The following CTCF variants were observed in gnomAD, a reference collection of about 807,000 sequenced individuals.
CTCF encodes the protein CCCTC-binding factor, also known as transcriptional repressor CTCF.
CTCF carries 7 observed loss-of-function variants against 72.3 expected under a neutral mutation model. The observed-to-expected ratio is 0.10, with a 90% CI of 0.06 to 0.18. CTCF has a LOEUF of 0.18. Ranked by LOEUF, CTCF falls within the 10% of genes least tolerant of loss-of-function variation. CTCF has a pLI of 1.00. For missense variants in CTCF, 516 were observed against 949.1 expected (o/e 0.54, Z 6.00); for synonymous variants, 374 against 315.8 (o/e 1.18, Z -1.95).
At chr16:67,566,460 A>G (rs1484171086) in intron 1 of CTCF, among the ~76,000 whole-genome samples, 1 of 148,168 alleles carries the variant, frequency 6.7e-6, no homozygotes, top group Non-Finnish European at 1.5e-5. Flanking sequence ...CAGTGAGTCA[A>G]GATCGTGCCG....
chr16:67,624,242 A>G (rs1019252870), intron 7 of CTCF, among the ~76,000 whole-genome samples: 2 of 151,548 alleles, frequency 1.3e-5, no homozygotes, highest in African/African-American at 2.4e-5. Context: ...TCTCCTTCCC[A>G]GCCAGCCTTT....
rs1237747283 is a variant in CTCF at position 67,571,136 on chromosome 16, C to T, written c.-126-12C>T. ...TTAGTGTTTCATAAAATGATTTGTG[C>T]TTTTCTTTTAGAATGATTACGGACC... On this transcript the variant is annotated splice_polypyrimidine_tract_variant and intron_variant, in intron 1 of 11. Coordinates refer to ENST00000264010, the MANE Select transcript of CTCF (RefSeq NM_006565.4). 1 of 152,162 alleles carries T rather than the reference C, an allele frequency of 6.6e-6. No homozygotes were observed. Among genetic ancestry groups the T allele is most frequent in the Non-Finnish European group, 1.5e-5 (1 of 67,970 alleles). 9.4% of individuals were successfully genotyped at this position (152,162 alleles called of 1,614,324 possible).
At chr16:67,610,639 C>T (rs911140496) in intron 2 of CTCF, 185 bp from the exon 3 acceptor site, 11 of 317,180 alleles carry the variant, frequency 3.5e-5, no homozygotes, top group Non-Finnish European at 2.8e-5. Context: ...CAGGCGTGAG[C>T]CACTGCACCT....
rs367687614 is a variant in CTCF at position 67,629,202 on chromosome 16, T to C, written c.1702-196T>C. 1.0e-3 allele frequency among the ~76,000 whole-genome samples: 154 copies of C among 149,258 alleles called. 1 individual carries two copies. Among genetic ancestry groups the C allele is most frequent in the African/African-American group, 3.2e-3 (133 of 40,968 alleles). On this transcript the variant is annotated intron_variant, in intron 9 of 11. Coordinates refer to ENST00000264010, the MANE Select transcript of CTCF (RefSeq NM_006565.4). The stretch of plus-strand genomic sequence containing the variant: ...AGCTGGTCTGATCCTCCCCCGTCTC[T>C]GTCTGCAGGCTGCTGAGCCTCCCCT...
rs57613821 is a variant in CTCF at position 67,593,026 on chromosome 16, G to GAA, written c.-9-17789_-9-17788dup. On this transcript the variant is annotated intron_variant, in intron 2 of 11. Transcript: ENST00000264010. The stretch of plus-strand genomic sequence containing the variant: ...GGGTGACAGAGTGAAACTCCATCTG[G>GAA]AAAAAAAAAATTTATATATATATGT... 8.2e-5 allele frequency among the ~76,000 whole-genome samples: 12 copies of GAA among 146,390 alleles called. No homozygotes were observed. In the South Asian group the frequency reaches 1.5e-3, roughly 18 times the overall value.
At chr16:67,566,278 C>T (rs1230936823) in intron 1 of CTCF, among the ~76,000 whole-genome samples, 2 of 151,704 alleles carry the variant, frequency 1.3e-5, no homozygotes, top group South Asian at 4.2e-4. Context: ...CTGAGGCGGG[C>T]GGATCACCTG....
At chr16:67,590,556 C>T (rs1269406752) in intron 2 of CTCF, among the ~76,000 whole-genome samples, 1 of 151,844 alleles carries the variant, frequency 6.6e-6, no homozygotes, top group Non-Finnish European at 1.5e-5. Flanking sequence ...CCAGGATGGT[C>T]TCGATCTCCT....
chr16:67,629,684 C>A, intron 10 of CTCF, 151 bp downstream of exon 10: 2 of 545,070 alleles, frequency 3.7e-6, no homozygotes, highest in South Asian at 6.4e-5. Context: ...TTTACAACAG[C>A]AGTTAGTGTT....
Position 67,612,749 on chromosome 16 carries a change from G to T in CTCF, c.952+628G>T, listed in dbSNP as rs989701037. On this transcript the variant is annotated intron_variant, in intron 4 of 11. Coordinates refer to ENST00000264010, the MANE Select transcript of CTCF (RefSeq NM_006565.4). Reference sequence around the variant, plus strand: ...GAAGTTGGAGACCAGCCTGGCCAACGTGACAAAATCACATCCATCTGTACT... The same window carrying T: ...GAAGTTGGAGACCAGCCTGGCCAACTTGACAAAATCACATCCATCTGTACT... Among the ~76,000 whole-genome samples the T allele has an allele frequency of 2.0e-5, 3 of 151,816 alleles. No individual in the cohort carries two copies. In the East Asian group the frequency reaches 5.8e-4, roughly 29 times the overall value.
At chr16:67,625,815 C>T (rs1028913937) in intron 7 of CTCF, among the ~76,000 whole-genome samples, 1 of 144,358 alleles carries the variant, frequency 6.9e-6, no homozygotes, top group South Asian at 2.3e-4. Flanking sequence ...TGCCCCCCCA[C>T]CCCCCGACCC....
intron 2 of CTCF, among the ~76,000 whole-genome samples, chr16:67,609,716 C>T (rs2052032257): frequency 1.3e-5 from 2 of 151,852 alleles, no homozygotes; most frequent in South Asian, 2.1e-4. Context: ...CTCCGCCTCC[C>T]AGGTTCACGC....
In CTCF at chr16:67,639,107, A is replaced by G. The variant is rs1487853581; in HGVS notation, c.*1235A>G. 1.0e-5 allele frequency: 2 copies of G among 198,326 alleles called. No homozygotes were observed. The highest frequency in any genetic ancestry group is 2.3e-5 in the African/African-American group (1 of 43,360). 12.3% of individuals were successfully genotyped at this position (198,326 alleles called of 1,614,324 possible). ...ACATGAGACCTGTAATAAAATATGT[A>G]ATGGGGTTGAAAGCTGGGGAGGAGG... On this transcript the variant is annotated 3_prime_UTR_variant, in exon 12 of 12. Transcript: ENST00000264010.
chr16:67,619,644 G>A (rs921970679), intron 5 of CTCF, among the ~76,000 whole-genome samples: 2 of 152,142 alleles, frequency 1.3e-5, no homozygotes, highest in Non-Finnish European at 2.9e-5. Flanking sequence ...GCAGTGGCGT[G>A]ATCATGGCTC....
At chr16:67,631,053 C>A (rs1412471178) in intron 10 of CTCF, among the ~76,000 whole-genome samples, 2 of 151,636 alleles carry the variant, frequency 1.3e-5, no homozygotes, top group African/African-American at 2.4e-5. Flanking sequence ...GTGTTTTGCA[C>A]TGGTTGTCAG....
intron 2 of CTCF, 85 bp from the exon 3 acceptor site, chr16:67,610,739 C>A: frequency 1.0e-6 from 1 of 999,960 alleles, no homozygotes; most frequent in Non-Finnish European, 1.4e-6. Context: ...ATTCATTCAC[C>A]AAAGGGTCTT....
At chr16:67,598,535 A>T (rs1271906380) in intron 2 of CTCF, among the ~76,000 whole-genome samples, 3 of 152,250 alleles carry the variant, frequency 2.0e-5, no homozygotes, top group Non-Finnish European at 4.4e-5. Flanking sequence ...TTGAGAGGCA[A>T]CAAATTAATC....
chr16:67,604,696 A>G lies in CTCF; in HGVS notation c.-9-6128A>G, dbSNP rs998086759. Among the ~76,000 whole-genome samples, 5 of 151,152 alleles carry G rather than the reference A, an allele frequency of 3.3e-5. No individual in the cohort carries two copies. The South Asian group carries it at 8.3e-4, about 25-fold the overall frequency. ...ATGATATTTTGGACATACCAGGTTA[A>G]GTAAAATAGATTACTAAAATTAATT... On this transcript the variant is annotated intron_variant, in intron 2 of 11. Transcript: ENST00000264010.
At chr16:67,587,100 ATTTT>A (rs754060008) in intron 2 of CTCF, among the ~76,000 whole-genome samples, 4 of 98,716 alleles carry the variant, frequency 4.1e-5, no homozygotes, top group East Asian at 2.8e-4. Flanking sequence ...CTTCTTAAAC[ATTTT>A]TTTTTTTTTT....
In CTCF at chr16:67,610,808, T is replaced by TTC. The variant is rs1597713331; in HGVS notation, c.-9-13_-9-12dup. 20 of 1,439,184 alleles carry TTC rather than the reference T, an allele frequency of 1.4e-5. No homozygotes were observed. The East Asian group carries it at 4.7e-4, about 34-fold the overall frequency. 89.2% of individuals were successfully genotyped at this position (1,439,184 alleles called of 1,614,324 possible). A position where few individuals can be genotyped will look rare whatever the true frequency, so the allele number is the denominator to read the frequency against. ...GCTTTGCTTTAAATAACAATCTGTG[T>TTC]TCTCCCTTAATAAAGGCAGGGGAAA... On this transcript the variant is annotated splice_polypyrimidine_tract_variant and intron_variant, in intron 2 of 11. Coordinates refer to ENST00000264010, the MANE Select transcript of CTCF (RefSeq NM_006565.4).
Sources: allele counts gnomAD v4.1 joint callset (sites outside exome capture counted in the v4.1 genomes callset), GRCh38; gene constraint gnomAD v4.1.1; transcripts MANE v1.5; gene names NCBI Gene and HGNC (gene_info 2026-07-23, HGNC 2026-07-21).